PRKD1: variants seen among roughly 807,000 people sequenced by gnomAD.
PRKD1 encodes the protein protein kinase D1, also known as serine/threonine-protein kinase D1.
PRKD1 carries 63 observed loss-of-function variants against 95.9 expected under a neutral mutation model. That is an observed-to-expected ratio of 0.66 (90% CI 0.54 to 0.81). The LOEUF is 0.81. Among genes scored for constraint, PRKD1 ranks in the 30% least tolerant of loss-of-function variants. The pLI, the probability that PRKD1 is intolerant of heterozygous loss-of-function variation, is 0.00. For synonymous variants in PRKD1, 425 were observed against 423.1 expected, an observed-to-expected ratio of 1.00 and a Z score of -0.05; for missense variants, 1,048 against 1,165.3, an observed-to-expected ratio of 0.90 and a Z score of 1.47.
At chr14:29,753,575 T>C (rs1887570874) in intron 1 of PRKD1, among the ~76,000 whole-genome samples, 1 of 152,116 alleles carries the variant, frequency 6.6e-6, no homozygotes, top group African/African-American at 2.4e-5. Flanking sequence ...CCTACTCTAT[T>C]GCCTTTATTT....
intron 1 of PRKD1, among the ~76,000 whole-genome samples, chr14:29,839,462 G>T (rs1374497498): frequency 1.3e-5 from 2 of 152,200 alleles, no homozygotes; most frequent in African/African-American, 4.8e-5. Context: ...CAAAGGCAAA[G>T]TTCATGGCAA....
intron 3 of PRKD1, among the ~76,000 whole-genome samples, chr14:29,665,859 A>C (rs1456150813): frequency 6.6e-6 from 1 of 152,102 alleles, no homozygotes; most frequent in Non-Finnish European, 1.5e-5. Flanking sequence ...CACACAAAAA[A>C]ACCTATATTT....
chr14:29,679,795 T>C (rs1450944228), intron 2 of PRKD1, among the ~76,000 whole-genome samples: 1 of 151,628 alleles, frequency 6.6e-6, no homozygotes, highest in Non-Finnish European at 1.5e-5. Flanking sequence ...TGGTGCAATC[T>C]TGGCTCACTG....
chr14:29,844,441 A>T (rs1323609319), intron 1 of PRKD1, among the ~76,000 whole-genome samples: 2 of 152,214 alleles, frequency 1.3e-5, no homozygotes. Context: ...AACCAATTCA[A>T]CAAATTATGG....
At chr14:29,828,938 T>C (rs184747541) in intron 1 of PRKD1, among the ~76,000 whole-genome samples, 2 of 152,304 alleles carry the variant, frequency 1.3e-5, no homozygotes, top group East Asian at 1.9e-4. Context: ...AGTCCTTAAG[T>C]GACAATAGAA....
intron 1 of PRKD1, among the ~76,000 whole-genome samples, chr14:29,728,653 A>G (rs1886287210): frequency 6.6e-6 from 1 of 152,168 alleles, no homozygotes; most frequent in South Asian, 2.1e-4. Flanking sequence ...TGGATCTAGC[A>G]TAATTGTTTA....
intron 13 of PRKD1, among the ~76,000 whole-genome samples, chr14:29,600,169 G>A (rs149961082): frequency 6.6e-6 from 1 of 152,024 alleles, no homozygotes; most frequent in Non-Finnish European, 1.5e-5. Context: ...AGCATACTAG[G>A]CTATTTATAT....
intron 1 of PRKD1, among the ~76,000 whole-genome samples, chr14:29,848,321 C>T (rs1417150578): frequency 6.6e-6 from 1 of 152,026 alleles, no homozygotes; most frequent in Non-Finnish European, 1.5e-5. Flanking sequence ...TTCCATCAAG[C>T]TGAAGTGACG....
At chr14:29,720,784 A>AT (rs1555338778) in intron 2 of PRKD1, among the ~76,000 whole-genome samples, 178 of 151,540 alleles carry the variant, frequency 1.2e-3, no homozygotes, top group Middle Eastern at 0.01. Flanking sequence ...TGTCTCAAAA[A>AT]AAATAAATAA....
At chr14:29,760,880 T>C (rs1331513886) in intron 1 of PRKD1, among the ~76,000 whole-genome samples, 2 of 152,184 alleles carry the variant, frequency 1.3e-5, no homozygotes, top group Admixed American at 1.3e-4. Context: ...TTTATCCTAA[T>C]AGAATTGATC....
At chr14:29,589,003 A>G (rs889517862) in intron 16 of PRKD1, among the ~76,000 whole-genome samples, 3 of 152,030 alleles carry the variant, frequency 2.0e-5, no homozygotes, top group Non-Finnish European at 4.4e-5. Context: ...TGCAGGGGTC[A>G]GGGGCTCATT....
At chr14:29,789,441 G>C (rs1566602558) in intron 1 of PRKD1, among the ~76,000 whole-genome samples, 1 of 152,166 alleles carries the variant, frequency 6.6e-6, no homozygotes, top group South Asian at 2.1e-4. Flanking sequence ...GTTGGGTTGA[G>C]TGCTTAGGCT....
chr14:29,853,066 CA>C (rs1892368452), intron 1 of PRKD1, among the ~76,000 whole-genome samples: 2 of 151,768 alleles, frequency 1.3e-5, no homozygotes, highest in Non-Finnish European at 1.5e-5. Context: ...AAATCATAAC[CA>C]AAAAAGAGCA....
At chr14:29,886,411 A>G (rs1254635314) in intron 1 of PRKD1, among the ~76,000 whole-genome samples, 3 of 152,246 alleles carry the variant, frequency 2.0e-5, no homozygotes, top group South Asian at 2.1e-4. Context: ...CAGGTAGAAC[A>G]TGAGAAAATC....
intron 1 of PRKD1, among the ~76,000 whole-genome samples, chr14:29,859,673 G>C (rs866163161): frequency 6.6e-6 from 1 of 150,890 alleles, no homozygotes; most frequent in Non-Finnish European, 1.5e-5. Flanking sequence ...TCCTCATGTA[G>C]ATAAATAAGT....
intron 4 of PRKD1, chr14:29,657,980 A>G (rs529416446): frequency 6.6e-6 from 1 of 152,338 alleles, no homozygotes; most frequent in Non-Finnish European, 1.5e-5. Context: ...TTTGAAAAGA[A>G]CCAAACATGA....
At chr14:29,789,680 C>A (rs1178714400) in intron 1 of PRKD1, among the ~76,000 whole-genome samples, 4 of 152,102 alleles carry the variant, frequency 2.6e-5, no homozygotes, top group Non-Finnish European at 5.9e-5. Flanking sequence ...AGCACCAGTG[C>A]ACATGGGCCC....
intron 2 of PRKD1, among the ~76,000 whole-genome samples, chr14:29,711,615 C>T (rs2139357198): frequency 6.6e-6 from 1 of 152,204 alleles, no homozygotes; most frequent in East Asian, 1.9e-4. Context: ...ATTATGAAAT[C>T]TTAAATCGCC....
At chr14:29,716,701 C>T (rs1485243406) in intron 2 of PRKD1, among the ~76,000 whole-genome samples, 1 of 152,146 alleles carries the variant, frequency 6.6e-6, no homozygotes, top group African/African-American at 2.4e-5. Context: ...CTACTGAATA[C>T]ATCTCAGAAA....
Sources: gnomAD v4.1 joint callset for allele counts (sites outside exome capture counted in the v4.1 genomes callset) on GRCh38, gnomAD v4.1.1 for gene constraint, MANE v1.5 for transcripts, NCBI Gene and HGNC (gene_info 2026-07-23, HGNC 2026-07-21) for gene names.